Variants in EFCAB13 observed in about 807,000 individuals in gnomAD.
EFCAB13 encodes EF-hand calcium binding domain 13.
A neutral mutation model predicts 110.2 loss-of-function variants in EFCAB13; 91 were observed. The observed-to-expected ratio is 0.83, with a 90% CI of 0.70 to 0.98. EFCAB13 has a LOEUF of 0.98. EFCAB13 is among the 50% of genes least tolerant of loss of function. The pLI is 0.00. For missense variants in EFCAB13, 968 were observed against 1,119.4 expected, an observed-to-expected ratio of 0.86 and a Z score of 1.93; for synonymous variants, 323 against 369.9, an observed-to-expected ratio of 0.87 and a Z score of 1.45.
chr17:47,393,248 A>G (rs1376939910), intron 15 of EFCAB13, among the ~76,000 whole-genome samples: 2 of 152,304 alleles, frequency 1.3e-5, no homozygotes, highest in Middle Eastern at 3.4e-3. Flanking sequence ...ATTGGGAAAA[A>G]GTAAGAAATA....
intron 10 of EFCAB13, 111 bp from the exon 11 acceptor site, chr17:47,370,326 G>A: frequency 1.3e-6 from 1 of 744,152 alleles, no homozygotes; most frequent in African/African-American, 1.8e-5. Context: ...GTAATAGTTG[G>A]CTCTTTGTTC....
Position 47,418,109 on chromosome 17 carries a change from GGTT to G in EFCAB13, c.2494+3191_2494+3193del, listed in dbSNP as rs371331133. 3.0e-4 allele frequency among the ~76,000 whole-genome samples: 45 copies of G among 152,234 alleles called. No homozygotes were observed. The East Asian group carries it at 7.3e-3, about 25-fold the overall frequency. ...GGAACCAATCTAGAAAAAGAATTCT[GGTT>G]TTCTAAATCTTCTTGTTATACAATC... On this transcript the variant is annotated intron_variant, in intron 23 of 24. Coordinates refer to ENST00000331493, the MANE Select transcript of EFCAB13 (RefSeq NM_152347.5).
chr17:47,335,409 GA>G, intron 5 of EFCAB13, 53 bp downstream of exon 5: 1 of 1,460,428 alleles, frequency 6.8e-7, no homozygotes, highest in Non-Finnish European at 9.2e-7. Context: ...TGCAAGTTAA[GA>G]ATGCCAAAAT....
At chr17:47,373,138 T>C (rs978231847) in intron 11 of EFCAB13, among the ~76,000 whole-genome samples, 11 of 152,194 alleles carry the variant, frequency 7.2e-5, no homozygotes, top group African/African-American at 2.7e-4. Context: ...CCGCAGACTA[T>C]ATATTTTCAA....
chr17:47,406,436 G>C (rs192623200), intron 20 of EFCAB13, among the ~76,000 whole-genome samples: 82 of 152,222 alleles, frequency 5.4e-4, no homozygotes, highest in African/African-American at 1.9e-3. Flanking sequence ...TGTCATTGTT[G>C]CCTTAAGTTT....
chr17:47,334,551 A>G (rs1350658103), intron 4 of EFCAB13, among the ~76,000 whole-genome samples: 1 of 152,210 alleles, frequency 6.6e-6, no homozygotes, highest in African/African-American at 2.4e-5. Flanking sequence ...ACTGCTTTGC[A>G]AAGAGTATGA....
chr17:47,431,147 T>G lies in EFCAB13; in HGVS notation c.2638+1186T>G, dbSNP rs1335632359. Among the ~76,000 whole-genome samples the G allele has an allele frequency of 6.6e-6, 1 of 152,076 alleles. No homozygotes were observed. The highest frequency in any genetic ancestry group is 1.5e-5 in the Non-Finnish European group (1 of 67,982). On this transcript the variant is annotated intron_variant, in intron 24 of 24. Coordinates refer to ENST00000331493, the MANE Select transcript of EFCAB13 (RefSeq NM_152347.5). The surrounding 1 kb of genome is among the most constrained non-coding windows in gnomAD (Gnocchi z 4.1). ...TTTCACTCTTTGTTATTTTGAAATA[T>G]AAAATAAATTATTAACTATAGTCAC...
At chr17:47,361,159 T>C (rs1460251676) in intron 9 of EFCAB13, among the ~76,000 whole-genome samples, 2 of 152,200 alleles carry the variant, frequency 1.3e-5, no homozygotes, top group African/African-American at 4.8e-5. Context: ...TAAGGATTGT[T>C]AACATAAGAA....
In EFCAB13 at chr17:47,327,647, G is replaced by A. The variant is rs576343884; in HGVS notation, c.-85-622G>A. On this transcript the variant is annotated intron_variant, in intron 3 of 24. Coordinates refer to ENST00000331493, the MANE Select transcript of EFCAB13 (RefSeq NM_152347.5). ...TTGATTTGTATTTTTAGTAGATACG[G>A]GGTTTCACCATATTGACCAGGATGG... is the stretch of plus-strand genomic sequence containing the variant. Among the ~76,000 whole-genome samples the A allele has an allele frequency of 4.6e-5, 7 of 152,230 alleles. No individual in the cohort carries two copies. In the South Asian group the frequency reaches 1.5e-3, roughly 32 times the overall value.
chr17:47,375,538 C>T (rs910210507), intron 12 of EFCAB13, among the ~76,000 whole-genome samples: 11 of 151,940 alleles, frequency 7.2e-5, no homozygotes, highest in Non-Finnish European at 1.5e-4. Context: ...CCAAGTAGTG[C>T]TCCCGTCTTG....
chr17:47,416,558 T>TAGTTTTACAACCCTTTCCCCTTCTCCCCC (rs1904453282), intron 23 of EFCAB13, among the ~76,000 whole-genome samples: 1 of 152,162 alleles, frequency 6.6e-6, no homozygotes, highest in Non-Finnish European at 1.5e-5. Flanking sequence ...ATGCAATAGT[T>TAGTTTTACAACCCTTTCCCCTTCTCCCCC]AGTTTTACAA....
At chr17:47,434,960 CT>C (rs1905185652) in intron 24 of EFCAB13, among the ~76,000 whole-genome samples, 1 of 152,086 alleles carries the variant, frequency 6.6e-6, no homozygotes, top group Non-Finnish European at 1.5e-5. Context: ...TAGAAAAACT[CT>C]TCTAGACATT....
At chr17:47,348,620 T>C (rs1200048046) in intron 9 of EFCAB13, among the ~76,000 whole-genome samples, 5 of 152,132 alleles carry the variant, frequency 3.3e-5, no homozygotes, top group Non-Finnish European at 5.9e-5. Context: ...ATTGATCGCC[T>C]TTAAAAATTA....
rs138665214 is a variant in EFCAB13 at position 47,429,978 on chromosome 17, C to T, written c.2638+17C>T. 1.9e-5 allele frequency: 30 copies of T among 1,580,456 alleles called. 1 individual carries two copies. Among genetic ancestry groups the T allele is most frequent in the African/African-American group, 1.6e-4 (12 of 74,220 alleles). On this transcript the variant is annotated intron_variant, in intron 24 of 24. Transcript: ENST00000331493. ...CTGAACATGGTTAGTAGTTTCAATG[C>T]GTCTATCTTATAAGGACCATCCTCT...
chr17:47,398,998 A>G (rs1038295371), intron 17 of EFCAB13, among the ~76,000 whole-genome samples: 2 of 152,156 alleles, frequency 1.3e-5, no homozygotes, highest in African/African-American at 4.8e-5. Context: ...ATCTCGGCTC[A>G]CTGCAACCTC....
In EFCAB13 at chr17:47,374,533, A is replaced by C. The variant is rs1197857842; in HGVS notation, c.939A>C (p.Ala313=). The C allele has an allele frequency of 2.5e-6, 4 of 1,579,918 alleles. No individual in the cohort carries two copies. Among genetic ancestry groups the C allele is most frequent in the Middle Eastern group, 1.7e-4 (1 of 5,892 alleles). Residue 313 remains alanine, a synonymous_variant, in exon 12 of 25, where the codon GCA becomes GCC. Transcript: ENST00000331493. The stretch of plus-strand genomic sequence containing the variant: ...CAGACAGAAAGTTATCAAGTGTAGC[A>C]GGATGCTATCTAAAATATAAGAAGA... ...ITSDRKLSSV[A]GCYLKYKKKN... is the part of the protein sequence containing the mutation.
rs911520825 is a variant in EFCAB13, at chr17:47,409,709, A to G, written c.2278+18A>G. 6.4e-7 allele frequency: 1 copy of G among 1,574,634 alleles called. No homozygotes were observed. The highest frequency in any genetic ancestry group is 8.7e-7 in the Non-Finnish European group (1 of 1,145,758). On this transcript the variant is annotated intron_variant, in intron 21 of 24. Coordinates refer to ENST00000331493, the MANE Select transcript of EFCAB13 (RefSeq NM_152347.5). ...GGTAAACGGTGAGTAAGAACTTTGTATATGAGAAAATTTTCAATAATAAGA... is the reference window on the plus strand; with the variant it reads ...GGTAAACGGTGAGTAAGAACTTTGTGTATGAGAAAATTTTCAATAATAAGA...
chr17:47,374,764 CT>C lies in EFCAB13; in HGVS notation c.1173del (p.Phe391LeufsTer20). On this transcript the variant is annotated frameshift_variant, in exon 12 of 25. Transcript: ENST00000331493. LOFTEE classifies it high-confidence loss of function. The part of the protein sequence containing the change: ...QEPYSKNGIN[F>X]KKHSEKGEIH... ...AACCATATTCAAAGAATGGCATAAACTTTAAAAAACATTCAGAGAAGGGTGA... is the reference window on the plus strand; with the variant it reads ...AACCATATTCAAAGAATGGCATAAACTTAAAAAACATTCAGAGAAGGGTGA... 1 of 1,613,952 alleles carries C rather than the reference CT, an allele frequency of 6.2e-7. No homozygotes were observed. Among genetic ancestry groups the C allele is most frequent in the Non-Finnish European group, 8.5e-7 (1 of 1,179,950 alleles).
At position 47,344,884 on chromosome 17, in the gene EFCAB13, T is replaced by C. The variant is rs942267795; in HGVS notation, c.435-132T>C. 2.2e-5 allele frequency: 15 copies of C among 689,660 alleles called. No homozygotes were observed. In the East Asian group the frequency reaches 2.4e-4, roughly 11 times the overall value. 42.7% of individuals were successfully genotyped at this position (689,660 alleles called of 1,614,324 possible). A position where few individuals can be genotyped will look rare whatever the true frequency, so the allele number is the denominator to read the frequency against. ...GACTTCTGAAGTGAAGAATATGGAA[T>C]TTTCCATAACTTGGACAGTTCTTCA... On this transcript the variant is annotated intron_variant, in intron 7 of 24. Coordinates refer to ENST00000331493, the MANE Select transcript of EFCAB13 (RefSeq NM_152347.5).
Sources: gnomAD v4.1 joint callset for allele counts (sites outside exome capture counted in the v4.1 genomes callset) on GRCh38, gnomAD v4.1.1 for gene constraint, Gnocchi (gnomAD v3.1) non-coding constraint, MANE v1.5 for transcripts, NCBI Gene and HGNC (gene_info 2026-07-23, HGNC 2026-07-21) for gene names.